Variants in UGT1A6 observed in about 807,000 individuals in gnomAD.
UGT1A6 encodes the protein UDP glucuronosyltransferase family 1 member A6.
Under a neutral mutation model 44.4 loss-of-function variants are expected in UGT1A6, and 32 were observed. The observed-to-expected ratio is 0.72, with a 90% CI of 0.54 to 0.97. The LOEUF is 0.97. Among genes scored for constraint, UGT1A6 ranks in the 50% least tolerant of loss-of-function variants. The pLI, the probability that UGT1A6 is intolerant of heterozygous loss-of-function variation, is 0.00. For synonymous variants in UGT1A6, 238 were observed against 248.5 expected (o/e 0.96, Z 0.40); for missense variants, 685 against 661.9 (o/e 1.03, Z -0.38).
chr2:233,699,298 T>C (rs2075497372), intron 1 of UGT1A6, among the ~76,000 whole-genome samples: 1 of 152,206 alleles, frequency 6.6e-6, no homozygotes, highest in Admixed American at 6.5e-5. Flanking sequence ...GGGACACTCT[T>C]ATGCTGTCCT....
At chr2:233,713,240 A>G (rs1016025091) in intron 1 of UGT1A6, 10 of 1,614,146 alleles carry the variant, frequency 6.2e-6, no homozygotes, top group African/African-American at 2.7e-5. Context: ...ATGCCATTTC[A>G]TGGACCCAGG....
intron 1 of UGT1A6, chr2:233,755,251 C>A (rs1287732511): frequency 2.4e-6 from 2 of 830,672 alleles, no homozygotes; most frequent in Non-Finnish European, 3.6e-6. Context: ...ACTCCCAGCA[C>A]CTCGTAGTAG....
chr2:233,701,054 A>C (rs1431935742), intron 1 of UGT1A6, among the ~76,000 whole-genome samples: 1 of 152,054 alleles, frequency 6.6e-6, no homozygotes, highest in Non-Finnish European at 1.5e-5. Context: ...TGAACTCATA[A>C]TTTTTTATGG....
rs757888453 is a variant in UGT1A6 at position 233,693,469 on chromosome 2, T to C, written c.465T>C (p.Cys155=). The change falls in exon 1 of 5, where the codon TGT becomes TGC. Residue 155 remains cysteine, a synonymous_variant. Transcript: ENST00000305139. ...TTTTCACAGACCCAGCCTTACCCTG[T>C]GGGGTGATCCTGGCTGAGTATTTGG... is the stretch of plus-strand genomic sequence containing the variant. The part of the protein sequence containing the change: ...DALFTDPALP[C]GVILAEYLGL... 1.2e-6 allele frequency: 2 copies of C among 1,614,144 alleles called. No individual in the cohort carries two copies. Among genetic ancestry groups the C allele is most frequent in the East Asian group, 2.2e-5 (1 of 44,880 alleles).
At chr2:233,705,068 G>A (rs546332987) in intron 1 of UGT1A6, among the ~76,000 whole-genome samples, 15 of 151,972 alleles carry the variant, frequency 9.9e-5, no homozygotes, top group Non-Finnish European at 1.8e-4. Flanking sequence ...CCCGGGAGGC[G>A]GAGGTTGCAG....
chr2:233,750,910 G>T (rs1371262201), intron 1 of UGT1A6, among the ~76,000 whole-genome samples: 1 of 151,884 alleles, frequency 6.6e-6, no homozygotes, highest in African/African-American at 2.4e-5. Context: ...GCTAGAGAAG[G>T]GTGGTAAAGA....
intron 1 of UGT1A6, among the ~76,000 whole-genome samples, chr2:233,752,979 T>C (rs993600275): frequency 5.3e-5 from 8 of 152,202 alleles, no homozygotes; most frequent in Non-Finnish European, 1.0e-4. Context: ...ATTGTGTAGA[T>C]ACAAACCCAC....
At chr2:233,696,698 A>G (rs1376211122) in intron 1 of UGT1A6, among the ~76,000 whole-genome samples, 4 of 152,138 alleles carry the variant, frequency 2.6e-5, no homozygotes, top group Non-Finnish European at 5.9e-5. Context: ...TCTTTGTCTT[A>G]TTCCAGATTT....
At chr2:233,736,824 C>G (rs1056780594) in intron 1 of UGT1A6, among the ~76,000 whole-genome samples, 5 of 152,198 alleles carry the variant, frequency 3.3e-5, no homozygotes, top group African/African-American at 1.2e-4. Flanking sequence ...TCCAGATGCT[C>G]TTTGCTTTGG....
chr2:233,732,903 T>A (rs1448905954), intron 1 of UGT1A6, among the ~76,000 whole-genome samples: 1 of 152,162 alleles, frequency 6.6e-6, no homozygotes, highest in Non-Finnish European at 1.5e-5. Flanking sequence ...CCTTGGGCAG[T>A]ATGGCCATTT....
At chr2:233,740,640 G>C (rs1049761331) in intron 1 of UGT1A6, 2 of 151,736 alleles carry the variant, frequency 1.3e-5, no homozygotes, top group Admixed American at 1.3e-4. Flanking sequence ...GCCTTTCCTT[G>C]CCCAGTGTAC....
intron 1 of UGT1A6, chr2:233,755,445 C>T (rs953551785): frequency 7.1e-5 from 22 of 311,136 alleles, no homozygotes; most frequent in South Asian, 1.2e-4. Flanking sequence ...ATGCAGTGCT[C>T]CTGGGACTGG....
intron 1 of UGT1A6, among the ~76,000 whole-genome samples, chr2:233,727,078 A>G (rs1212092454): frequency 6.6e-6 from 1 of 152,188 alleles, no homozygotes; most frequent in Non-Finnish European, 1.5e-5. Flanking sequence ...TTCTCTTACA[A>G]ACATTAAAGA....
intron 1 of UGT1A6, among the ~76,000 whole-genome samples, chr2:233,703,995 G>T: frequency 6.6e-6 from 1 of 151,778 alleles, no homozygotes. Context: ...GGTTCAAGCA[G>T]TTCTCCCACC....
chr2:233,765,533 A>G (rs1474506324), intron 1 of UGT1A6, among the ~76,000 whole-genome samples: 2 of 151,964 alleles, frequency 1.3e-5, no homozygotes, highest in African/African-American at 4.8e-5. Flanking sequence ...GCATGTTCTC[A>G]CTCATAAGTG....
intron 1 of UGT1A6, chr2:233,760,446 G>T (rs149071335): frequency 6.2e-7 from 1 of 1,614,210 alleles, no homozygotes; most frequent in Non-Finnish European, 8.5e-7. Flanking sequence ...TGCAGCAGAG[G>T]GGACATGAAA....
At chr2:233,724,685 G>T (rs1329497832) in intron 1 of UGT1A6, among the ~76,000 whole-genome samples, 6 of 144,884 alleles carry the variant, frequency 4.1e-5, no homozygotes, top group African/African-American at 1.6e-4. Context: ...TGGGATGGCG[G>T]CCGGGTGAAG....
At chr2:233,768,463 T>C (rs372004705) in intron 4 of UGT1A6, 24 bp downstream of exon 4, 2 of 1,607,816 alleles carry the variant, frequency 1.2e-6, no homozygotes, top group African/African-American at 2.7e-5. Flanking sequence ...TACAGAAGAA[T>C]ACTTTGGTCA....
At chr2:233,743,076 G>T (rs1054800) in intron 1 of UGT1A6, 5 of 344,584 alleles carry the variant, frequency 1.5e-5, no homozygotes, top group Non-Finnish European at 2.8e-5. Context: ...GTGTTGGCAT[G>T]AAGTGTTTAT....
Sources: allele counts gnomAD v4.1 joint callset (sites outside exome capture counted in the v4.1 genomes callset), GRCh38; gene constraint gnomAD v4.1.1; transcripts MANE v1.5; gene names NCBI Gene and HGNC (gene_info 2026-07-23, HGNC 2026-07-21).